The following CACNA1B variants were observed in gnomAD, a reference collection of about 807,000 sequenced individuals.
CACNA1B encodes the protein calcium voltage-gated channel subunit alpha1 B, also known as voltage-dependent N-type calcium channel subunit alpha-1B.
CACNA1B carries 70 observed loss-of-function variants against 247.2 expected under a neutral mutation model. That is an observed-to-expected ratio of 0.28 (90% CI 0.23 to 0.35). The LOEUF (loss-of-function observed/expected upper bound fraction) is 0.35. Among genes scored for constraint, CACNA1B ranks in the 10% least tolerant of loss-of-function variants. The probability of loss-of-function intolerance (pLI) is 1.00; values close to 1 mark genes in which losing one functional copy is unlikely to be tolerated. For missense variants in CACNA1B, 2,367 were observed against 3,197.4 expected (o/e 0.74, Z 6.26); for synonymous variants, 1,231 against 1,294.4 (o/e 0.95, Z 1.05).
chr9:137,896,071 C>T (rs1457650864), intron 3 of CACNA1B, among the ~76,000 whole-genome samples: 2 of 152,028 alleles, frequency 1.3e-5, no homozygotes, highest in African/African-American at 4.8e-5. Flanking sequence ...AACCCTGTCT[C>T]TACTAAAAAT....
intron 20 of CACNA1B, among the ~76,000 whole-genome samples, chr9:138,027,183 G>A (rs776243225): frequency 6.6e-6 from 1 of 152,092 alleles, no homozygotes; most frequent in Non-Finnish European, 1.5e-5. Context: ...CATCAGATAT[G>A]TGTTTTTGCA....
At chr9:138,015,888 A>G (rs1958785203) in intron 18 of CACNA1B, among the ~76,000 whole-genome samples, 1 of 152,124 alleles carries the variant, frequency 6.6e-6, no homozygotes, top group Admixed American at 6.5e-5. Context: ...TGAATTTCTG[A>G]ACACTGGCAG....
At chr9:137,969,488 G>A (rs916168048) in intron 10 of CACNA1B, among the ~76,000 whole-genome samples, 12 of 152,198 alleles carry the variant, frequency 7.9e-5, no homozygotes, top group Non-Finnish European at 1.3e-4. Context: ...AGGCTGACTG[G>A]TTCTTACTGG....
At chr9:137,943,358 G>T (rs897181822) in intron 6 of CACNA1B, among the ~76,000 whole-genome samples, 1 of 152,128 alleles carries the variant, frequency 6.6e-6, no homozygotes, top group Non-Finnish European at 1.5e-5. Flanking sequence ...AGGCCTCCAT[G>T]CTGAATGTAA....
chr9:138,063,858 A>G (rs1290105507), intron 31 of CACNA1B, among the ~76,000 whole-genome samples: 1 of 152,224 alleles, frequency 6.6e-6, no homozygotes, highest in East Asian at 1.9e-4. Flanking sequence ...AGGTGGCACT[A>G]ACCTCTCCAT....
chr9:137,993,152 C>T (rs1279568630), intron 15 of CACNA1B, among the ~76,000 whole-genome samples: 1 of 152,016 alleles, frequency 6.6e-6, no homozygotes, highest in East Asian at 1.9e-4. Context: ...AATCCAAACC[C>T]AAACCCACCA....
Position 138,054,102 on chromosome 9 carries a change from G to A in CACNA1B, c.3968+96G>A, listed in dbSNP as rs142891595. The A allele has an allele frequency of 8.3e-4, 978 of 1,183,992 alleles. 13 individuals are homozygous for A. The East Asian group carries it at 0.018, about 22-fold the overall frequency. 73.3% of individuals were successfully genotyped at this position (1,183,992 alleles called of 1,614,324 possible). ...GACCAGGTGGAGCTGGTCACACGGC[G>A]TGGGAGACTCCACTGCAGAGCATCA... is the stretch of plus-strand genomic sequence containing the variant. On this transcript the variant is annotated intron_variant, in intron 26 of 46. Transcript: ENST00000371372. This position sits in a 1 kb window ranked among gnomAD's most constrained non-coding sequence, Gnocchi z 4.6.
At chr9:138,032,019 G>A (rs2133451574) in intron 20 of CACNA1B, among the ~76,000 whole-genome samples, 1 of 152,180 alleles carries the variant, frequency 6.6e-6, no homozygotes, top group East Asian at 1.9e-4. Context: ...TAGGGCTTAA[G>A]TCTGTTATTT....
intron 25 of CACNA1B, among the ~76,000 whole-genome samples, chr9:138,053,204 C>T (rs532870861): frequency 2.0e-5 from 3 of 152,350 alleles, no homozygotes; most frequent in East Asian, 3.9e-4. Flanking sequence ...AGCCCAGCAC[C>T]TGCTGGTGCA....
intron 23 of CACNA1B, 23 bp downstream of exon 23, chr9:138,047,481 T>C (rs1959194120): frequency 6.4e-6 from 10 of 1,573,944 alleles, no homozygotes; most frequent in Non-Finnish European, 8.7e-6. Flanking sequence ...GCTGCCCTTG[T>C]GACCCCAGTG....
In CACNA1B at chr9:138,092,664, G is replaced by A. The variant is rs189867627; in HGVS notation, c.5095-3820G>A. 2.1e-4 allele frequency among the ~76,000 whole-genome samples: 32 copies of A among 152,314 alleles called. No individual in the cohort carries two copies. The East Asian group carries it at 5.2e-3, about 25-fold the overall frequency. On this transcript the variant is annotated intron_variant, in intron 36 of 46. Transcript: ENST00000371372. ...GGATTAAGAGATTAAAGTAAAGACA[G>A]GCATAGGAAATTATAAGAGTATTGA...
chr9:138,085,719 A>G (rs1589119642), intron 36 of CACNA1B, among the ~76,000 whole-genome samples: 4 of 151,526 alleles, frequency 2.6e-5, no homozygotes. Flanking sequence ...CCAGGAGAGA[A>G]TGGAATGGAA....
chr9:137,878,749 CCCCTCGGGG>C (rs1956872627), intron 1 of CACNA1B, among the ~76,000 whole-genome samples: 1 of 152,144 alleles, frequency 6.6e-6, no homozygotes, highest in Non-Finnish European at 1.5e-5. Flanking sequence ...TCGGCCCCCT[CCCCTCGGGG>C]CCCTGGAGTC....
intron 6 of CACNA1B, among the ~76,000 whole-genome samples, chr9:137,922,697 TTTTAA>T (rs1466574894): frequency 1.3e-5 from 2 of 152,188 alleles, no homozygotes; most frequent in Admixed American, 1.3e-4. Context: ...AAAATTAAAC[TTTTAA>T]TTTAAGATAA....
chr9:137,889,772 G>T (rs1341360879), intron 3 of CACNA1B, among the ~76,000 whole-genome samples: 6 of 149,892 alleles, frequency 4.0e-5, no homozygotes, highest in African/African-American at 1.5e-4. Context: ...GTGCTGCTCT[G>T]ATAGGGTGGG....
chr9:138,049,204 C>T lies in CACNA1B; in HGVS notation c.3604-5C>T, dbSNP rs1959210566. ...ACGTATCTAACGTGTGTTTCTCCCT[C>T]CTAGATGATCGACTTGGGACTGCTG... On this transcript the variant is annotated splice_region_variant and splice_polypyrimidine_tract_variant and intron_variant, in intron 23 of 46. Coordinates refer to ENST00000371372, the MANE Select transcript of CACNA1B (RefSeq NM_000718.4). 1 of 1,584,820 alleles carries T rather than the reference C, an allele frequency of 6.3e-7. No individual in the cohort carries two copies. Among genetic ancestry groups the T allele is most frequent in the Non-Finnish European group, 8.7e-7 (1 of 1,153,250 alleles).
chr9:137,960,370 C>T (rs1447390835), intron 10 of CACNA1B, among the ~76,000 whole-genome samples: 2 of 97,836 alleles, frequency 2.0e-5, no homozygotes, highest in Admixed American at 1.2e-4. Context: ...AGGGACGCGG[C>T]GGTGGGGTGT....
chr9:138,042,680 T>TG (rs1202538920), intron 20 of CACNA1B, among the ~76,000 whole-genome samples: 1 of 152,178 alleles, frequency 6.6e-6, no homozygotes, highest in African/African-American at 2.4e-5. Flanking sequence ...CTTGTGCTCG[T>TG]GGGCAGGGGC....
rs1207669959 is a variant in CACNA1B, at chr9:137,881,504, A to G, written c.391-1240A>G. On this transcript the variant is annotated intron_variant, in intron 2 of 46. Coordinates refer to ENST00000371372, the MANE Select transcript of CACNA1B (RefSeq NM_000718.4). This position sits in a 1 kb window ranked among gnomAD's most constrained non-coding sequence, Gnocchi z 4.3. ...AGCTGCTTCTTCCTGTGACTTCCAC[A>G]GTCCTGAAGACGAACCCTCAGGGGA... is the stretch of plus-strand genomic sequence containing the variant. Among the ~76,000 whole-genome samples, 1 of 152,142 alleles carries G rather than the reference A, an allele frequency of 6.6e-6. No homozygotes were observed. The highest frequency in any genetic ancestry group is 2.4e-5 in the African/African-American group (1 of 41,424).
Sources: allele counts gnomAD v4.1 joint callset (sites outside exome capture counted in the v4.1 genomes callset), GRCh38; gene constraint gnomAD v4.1.1; non-coding constraint Gnocchi (gnomAD v3.1); transcripts MANE v1.5; gene names NCBI Gene and HGNC (gene_info 2026-07-23, HGNC 2026-07-21).